Variants in DLGAP1 observed in about 807,000 individuals in gnomAD.
DLGAP1 encodes the protein disks large-associated protein 1.
Under a neutral mutation model 90.8 loss-of-function variants are expected in DLGAP1, and 11 were observed. The observed-to-expected ratio is 0.12, with a 90% confidence interval of 0.08 to 0.20. The LOEUF is 0.20. Among genes scored for constraint, DLGAP1 ranks in the 10% least tolerant of loss-of-function variants. The pLI is 1.00. For missense variants in DLGAP1, 1,050 were observed against 1,333.8 expected (o/e 0.79, Z 3.31); for synonymous variants, 558 against 540.7 (o/e 1.03, Z -0.44).
intron 2 of DLGAP1, among the ~76,000 whole-genome samples, chr18:4,007,093 A>G (rs2074317229): frequency 2.0e-5 from 3 of 152,222 alleles, no homozygotes; most frequent in African/African-American, 7.2e-5. Context: ...GCCCATGCTA[A>G]GCACTCAATA....
chr18:3,574,123 C>T (rs893492454), intron 8 of DLGAP1, among the ~76,000 whole-genome samples: 2 of 152,164 alleles, frequency 1.3e-5, no homozygotes, highest in Non-Finnish European at 2.9e-5. Context: ...TATAGTTTTT[C>T]GAAAGGTCAT....
At chr18:4,395,463 G>A (rs755634213) in intron 1 of DLGAP1, among the ~76,000 whole-genome samples, 2 of 152,070 alleles carry the variant, frequency 1.3e-5, no homozygotes, top group African/African-American at 2.4e-5. Flanking sequence ...CGAGGGCTCC[G>A]CGTATTACCT....
At chr18:4,278,227 A>C (rs1353187779) in intron 1 of DLGAP1, among the ~76,000 whole-genome samples, 1 of 152,124 alleles carries the variant, frequency 6.6e-6, no homozygotes, top group African/African-American at 2.4e-5. Context: ...AGAGTGATAA[A>C]CTAAATGAGT....
At chr18:4,112,894 G>A (rs1274249738) in intron 2 of DLGAP1, among the ~76,000 whole-genome samples, 1 of 152,026 alleles carries the variant, frequency 6.6e-6, no homozygotes, top group Non-Finnish European at 1.5e-5. Flanking sequence ...TTTGCTTAGG[G>A]TATTGGCCTT....
At chr18:4,182,072 G>A (rs2077219232) in intron 1 of DLGAP1, among the ~76,000 whole-genome samples, 1 of 152,144 alleles carries the variant, frequency 6.6e-6, no homozygotes, top group South Asian at 2.1e-4. Flanking sequence ...AGTCGGGAAA[G>A]ACTTGCTGGT....
intron 2 of DLGAP1, among the ~76,000 whole-genome samples, chr18:4,025,424 C>T (rs937856733): frequency 1.3e-5 from 2 of 151,836 alleles, no homozygotes; most frequent in African/African-American, 4.8e-5. Context: ...TATTCCAAAA[C>T]CCAAAAAAAT....
chr18:4,264,211 G>A (rs1332520827), intron 1 of DLGAP1, among the ~76,000 whole-genome samples: 2 of 152,168 alleles, frequency 1.3e-5, no homozygotes, highest in Non-Finnish European at 2.9e-5. Context: ...AATAGAGAGG[G>A]AAAGAGAAGA....
chr18:3,914,479 T>C (rs759506306), intron 3 of DLGAP1, among the ~76,000 whole-genome samples: 3 of 152,198 alleles, frequency 2.0e-5, no homozygotes, highest in Non-Finnish European at 4.4e-5. Context: ...ATTGATTCCA[T>C]CTTGTGAATA....
At chr18:3,683,593 T>G (rs1191459226) in intron 7 of DLGAP1, among the ~76,000 whole-genome samples, 1 of 152,040 alleles carries the variant, frequency 6.6e-6, no homozygotes, top group East Asian at 1.9e-4. Flanking sequence ...GGGCTAGAAA[T>G]AAATATAGCT....
intron 7 of DLGAP1, among the ~76,000 whole-genome samples, chr18:3,616,766 A>C (rs1467170378): frequency 1.3e-5 from 2 of 151,994 alleles, no homozygotes; most frequent in African/African-American, 4.8e-5. Context: ...AAAAACAAAA[A>C]GAAACAAACA....
At chr18:3,952,684 T>A (rs2148967677) in intron 3 of DLGAP1, among the ~76,000 whole-genome samples, 1 of 152,342 alleles carries the variant, frequency 6.6e-6, no homozygotes, top group Admixed American at 6.5e-5. Context: ...TACTCATTGG[T>A]CAAGCTTCAA....
intron 3 of DLGAP1, among the ~76,000 whole-genome samples, chr18:3,935,198 AAAGCAGGTAT>A (rs2072607027): frequency 6.6e-6 from 1 of 152,264 alleles, no homozygotes; most frequent in Non-Finnish European, 1.5e-5. Context: ...TGACATGGAT[AAAGCAGGTAT>A]AAATATCCTC....
At position 3,611,648 on chromosome 18, in the gene DLGAP1, C is replaced by A. The variant is rs148959917; in HGVS notation, c.1592-29400G>T. Among the ~76,000 whole-genome samples, 1,097 of 152,334 alleles carry A rather than the reference C, an allele frequency of 7.2e-3. 8 individuals carry two copies. Among genetic ancestry groups the A allele is most frequent in the Middle Eastern group, 0.024 (7 of 294 alleles). ...CCTTGCACCTTGGAACATGGCAGAACTTACCACGCGTTTCTCAGGGCTTGT... is the reference window on the plus strand; with the variant it reads ...CCTTGCACCTTGGAACATGGCAGAAATTACCACGCGTTTCTCAGGGCTTGT... On this transcript the variant is annotated intron_variant, in intron 7 of 12. Transcript: ENST00000315677.
intron 2 of DLGAP1, among the ~76,000 whole-genome samples, chr18:4,083,413 A>T (rs2075640084): frequency 3.3e-5 from 5 of 152,214 alleles, no homozygotes; most frequent in Admixed American, 3.3e-4. Flanking sequence ...AGAAAATATG[A>T]AAAAAATTAC....
intron 3 of DLGAP1, among the ~76,000 whole-genome samples, chr18:3,924,242 A>G (rs1258280971): frequency 2.0e-5 from 3 of 152,222 alleles, no homozygotes; most frequent in Admixed American, 1.3e-4. Context: ...CCCATTTATC[A>G]TCTTGCATAT....
chr18:4,090,850 C>T (rs1174234567), intron 2 of DLGAP1, among the ~76,000 whole-genome samples: 1 of 152,170 alleles, frequency 6.6e-6, no homozygotes, highest in African/African-American at 2.4e-5. Flanking sequence ...TCCAAATGTC[C>T]ATCAACGATA....
chr18:3,912,159 C>T (rs2072049129), intron 3 of DLGAP1, among the ~76,000 whole-genome samples: 1 of 152,174 alleles, frequency 6.6e-6, no homozygotes, highest in African/African-American at 2.4e-5. Context: ...TTAATCTGTT[C>T]TTTATGGATA....
At chr18:4,302,525 T>A (rs1274799021) in intron 1 of DLGAP1, among the ~76,000 whole-genome samples, 1 of 152,192 alleles carries the variant, frequency 6.6e-6, no homozygotes, top group Non-Finnish European at 1.5e-5. Flanking sequence ...TTTTTATTTT[T>A]TATAAAGTAC....
At chr18:3,962,241 T>C (rs1432417133) in intron 3 of DLGAP1, 1 of 152,210 alleles carries the variant, frequency 6.6e-6, no homozygotes, top group African/African-American at 2.4e-5. Flanking sequence ...CTAGTTATTC[T>C]TTCAGAAAGG....
Sources: gnomAD v4.1 joint callset for allele counts (sites outside exome capture counted in the v4.1 genomes callset) on GRCh38, gnomAD v4.1.1 for gene constraint, MANE v1.5 for transcripts, NCBI Gene and HGNC (gene_info 2026-07-23, HGNC 2026-07-21) for gene names.